Variants in HECTD2 observed in about 807,000 individuals in gnomAD.
The protein encoded by HECTD2 is HECT domain E3 ubiquitin protein ligase 2, also known as probable E3 ubiquitin-protein ligase HECTD2.
Under a neutral mutation model 103.2 loss-of-function variants are expected in HECTD2, and 35 were observed. The ratio of observed to expected loss-of-function variants is 0.34; its 90% CI spans 0.26 to 0.45. The LOEUF (loss-of-function observed/expected upper bound fraction) is 0.45. Ranked by LOEUF, HECTD2 falls within the 20% of genes least tolerant of loss-of-function variation. The pLI, the probability that HECTD2 is intolerant of heterozygous loss-of-function variation, is 1.00. For missense variants in HECTD2, 596 were observed against 937.4 expected (o/e 0.64, Z 4.76); for synonymous variants, 281 against 329.9 (o/e 0.85, Z 1.61).
At chr10:91,431,668 G>A (rs547964192) in intron 2 of HECTD2, among the ~76,000 whole-genome samples, 6 of 151,804 alleles carry the variant, frequency 4.0e-5, no homozygotes, top group South Asian at 4.2e-4. Flanking sequence ...CCAGTTGATC[G>A]CATCGGCTCC....
At chr10:91,483,521 C>CT in intron 8 of HECTD2, among the ~76,000 whole-genome samples, 2 of 152,026 alleles carry the variant, frequency 1.3e-5, no homozygotes, top group Admixed American at 6.6e-5. Flanking sequence ...CCATCAATAT[C>CT]AATTTGTAAA....
chr10:91,448,904 A>T (rs1167079328), intron 2 of HECTD2, among the ~76,000 whole-genome samples: 1 of 88,482 alleles, frequency 1.1e-5, no homozygotes, highest in African/African-American at 4.6e-5. Flanking sequence ...CAACCAAAAA[A>T]AGCCCAGGAC....
chr10:91,445,224 G>T (rs1844548203), intron 2 of HECTD2, among the ~76,000 whole-genome samples: 1 of 152,098 alleles, frequency 6.6e-6, no homozygotes, highest in Non-Finnish European at 1.5e-5. Flanking sequence ...TTAGGGGATT[G>T]ATAACTGTTC....
upstream of HECTD2, chr10:91,410,158 C>A (rs953302611): frequency 1.3e-5 from 2 of 151,956 alleles, no homozygotes; most frequent in East Asian, 1.9e-4. Context: ...ACCGCCGGCG[C>A]TCCCGACCCG....
chr10:91,493,457 G>T lies in HECTD2; in HGVS notation c.1470G>T (p.Trp490Cys). 6.4e-7 allele frequency: 1 copy of T among 1,557,306 alleles called. No individual in the cohort carries two copies. Among genetic ancestry groups the T allele is most frequent in the Non-Finnish European group, 8.7e-7 (1 of 1,154,520 alleles). Reference sequence around the variant, plus strand: ...ATCACAAGGATTCACACTGCCATTGGTTTAGCAGCTTTAAATGTGATAACT... The same window carrying T: ...ATCACAAGGATTCACACTGCCATTGTTTTAGCAGCTTTAAATGTGATAACT... ...FTYHKDSHCH[W>C]FSSFKCDNYS... is the part of the protein sequence containing the mutation. Residue 490 changes from tryptophan (W) to cysteine (C), a missense_variant, in exon 14 of 21, where the codon TGG (tryptophan) becomes TGT (cysteine). Coordinates refer to ENST00000298068, the MANE Select transcript of HECTD2 (RefSeq NM_182765.6).
intron 5 of HECTD2, among the ~76,000 whole-genome samples, chr10:91,470,262 C>T (rs2133235808): frequency 6.6e-6 from 1 of 152,298 alleles, no homozygotes; most frequent in South Asian, 2.1e-4. Context: ...ACAGAATACA[C>T]ATTCTTCTGA....
intron 13 of HECTD2, among the ~76,000 whole-genome samples, chr10:91,493,007 T>C (rs1846536311): frequency 6.6e-6 from 1 of 151,880 alleles, no homozygotes; most frequent in South Asian, 2.1e-4. Flanking sequence ...CCTTATTCTT[T>C]AGTTTTCTTT....
At chr10:91,485,402 A>G (rs1034641641) in intron 10 of HECTD2, 99 bp downstream of exon 10, 8 of 817,472 alleles carry the variant, frequency 9.8e-6, no homozygotes, top group South Asian at 1.8e-5. Flanking sequence ...ATACGTTTAC[A>G]TATAAATGTA....
At chr10:91,490,950 C>A (rs1589537657) in intron 11 of HECTD2, among the ~76,000 whole-genome samples, 1 of 121,874 alleles carries the variant, frequency 8.2e-6, no homozygotes, top group Non-Finnish European at 1.7e-5. Flanking sequence ...TGTGATGCAA[C>A]ATTTTTTATT....
At chr10:91,511,259 C>G (rs537322302) in intron 20 of HECTD2, among the ~76,000 whole-genome samples, 263 of 152,134 alleles carry the variant, frequency 1.7e-3, no homozygotes, top group Non-Finnish European at 2.8e-3. Flanking sequence ...TGTAAGAATC[C>G]TAAATGATGA....
chr10:91,469,927 A>G (rs1296604789), intron 5 of HECTD2, among the ~76,000 whole-genome samples: 2 of 152,242 alleles, frequency 1.3e-5, no homozygotes, highest in Admixed American at 6.5e-5. Context: ...TGTTATTGCA[A>G]CTTCAGACAA....
chr10:91,431,833 C>T (rs887327916), intron 2 of HECTD2, among the ~76,000 whole-genome samples: 3 of 152,188 alleles, frequency 2.0e-5, no homozygotes, highest in South Asian at 2.1e-4. Flanking sequence ...GAATTTCCTC[C>T]TGTAGCTCGG....
At chr10:91,469,952 C>T (rs560484825) in intron 5 of HECTD2, among the ~76,000 whole-genome samples, 5 of 152,098 alleles carry the variant, frequency 3.3e-5, no homozygotes, top group Admixed American at 6.5e-5. Flanking sequence ...GACTTTTAAA[C>T]CAACAACAAT....
At chr10:91,486,676 C>G (rs767441856) in intron 10 of HECTD2, 30 of 152,120 alleles carry the variant, frequency 2.0e-4, no homozygotes, top group Non-Finnish European at 3.5e-4. Context: ...AACCCCTGTC[C>G]TAAAGTACAT....
At chr10:91,426,839 G>A (rs1843581075) in intron 2 of HECTD2, among the ~76,000 whole-genome samples, 1 of 151,550 alleles carries the variant, frequency 6.6e-6, no homozygotes, top group African/African-American at 2.4e-5. Context: ...AACCCAACTT[G>A]AACTTGGGGT....
chr10:91,476,597 G>A (rs1015476909), intron 5 of HECTD2, among the ~76,000 whole-genome samples: 2 of 152,192 alleles, frequency 1.3e-5, no homozygotes, highest in Non-Finnish European at 2.9e-5. Flanking sequence ...TGCCACCACC[G>A]CAGGCATCCG....
intron 5 of HECTD2, among the ~76,000 whole-genome samples, chr10:91,464,018 G>C (rs1309215311): frequency 6.6e-6 from 1 of 152,066 alleles, no homozygotes; most frequent in Non-Finnish European, 1.5e-5. Context: ...CTAAGAAACA[G>C]AATTAACCTA....
intron 2 of HECTD2, among the ~76,000 whole-genome samples, chr10:91,459,908 T>C (rs1047502288): frequency 4.6e-5 from 7 of 152,132 alleles, no homozygotes; most frequent in African/African-American, 1.2e-4. Context: ...CTATATGATA[T>C]AGCCTAGGTG....
chr10:91,503,568 A>G (rs1205806011), intron 20 of HECTD2, among the ~76,000 whole-genome samples: 1 of 152,112 alleles, frequency 6.6e-6, no homozygotes, highest in Non-Finnish European at 1.5e-5. Context: ...CGCTTTTCCG[A>G]CGGGCTTAAA....
Sources: allele counts gnomAD v4.1 joint callset (sites outside exome capture counted in the v4.1 genomes callset), GRCh38; gene constraint gnomAD v4.1.1; transcripts MANE v1.5; gene names NCBI Gene and HGNC (gene_info 2026-07-23, HGNC 2026-07-21).